Variants in GIPC1 observed in about 807,000 individuals in gnomAD.
GIPC1 encodes PDZ domain-containing protein GIPC1.
GIPC1 carries 15 observed loss-of-function variants against 28.5 expected under a neutral mutation model. The observed-to-expected ratio is 0.53, with a 90% CI of 0.35 to 0.81. The LOEUF is 0.81. GIPC1 is among the 30% of genes least tolerant of loss of function. GIPC1 has a pLI of 0.01. For missense variants in GIPC1, 439 were observed against 481.9 expected, an observed-to-expected ratio of 0.91 and a Z score of 0.83; for synonymous variants, 224 against 206.1, an observed-to-expected ratio of 1.09 and a Z score of -0.74.
chr19:14,492,262 CA>C lies in GIPC1; in HGVS notation c.-118-520del, dbSNP rs554026499. ...ATGTGCTTGGAACAGTCCTGGCACA[CA>C]ATAAGGGTTGCATAAATATTGGTGA... is the stretch of plus-strand genomic sequence containing the variant. On this transcript the variant is annotated intron_variant, in intron 2 of 8. Transcript: ENST00000393033. Among the ~76,000 whole-genome samples, 748 of 151,980 alleles carry C rather than the reference CA, an allele frequency of 4.9e-3. 4 individuals carry two copies. The highest frequency in any genetic ancestry group is 0.017 in the African/African-American group (706 of 41,470).
intron 3 of GIPC1, among the ~76,000 whole-genome samples, chr19:14,491,319 C>T (rs901560324): frequency 3.3e-5 from 5 of 151,764 alleles, no homozygotes; most frequent in Admixed American, 1.3e-4. Context: ...AGTGCAATGG[C>T]GCGATCTCGG....
At chr19:14,487,740 A>T (rs2071879089) in intron 3 of GIPC1, among the ~76,000 whole-genome samples, 1 of 142,494 alleles carries the variant, frequency 7.0e-6, no homozygotes, top group South Asian at 2.2e-4. Flanking sequence ...GCAGTGGTGC[A>T]ATCAGAGCTC....
chr19:14,491,432 T>C (rs1396451092), intron 3 of GIPC1, among the ~76,000 whole-genome samples: 1 of 152,044 alleles, frequency 6.6e-6, no homozygotes, highest in African/African-American at 2.4e-5. Flanking sequence ...CTAATTTTTG[T>C]ATTTTTAGTA....
At position 14,482,836 on chromosome 19, in the gene GIPC1, C is replaced by T. The variant is rs535847542; in HGVS notation, c.141G>A (p.Leu47=). The T allele has an allele frequency of 6.3e-7, 1 of 1,575,642 alleles. No individual in the cohort carries two copies. Among genetic ancestry groups the T allele is most frequent in the African/African-American group, 1.3e-5 (1 of 74,222 alleles). The change falls in exon 4 of 9, where the codon TTG becomes TTA. Residue 47 remains leucine, a synonymous_variant. Coordinates refer to ENST00000393033, the MANE Select transcript of GIPC1 (RefSeq NM_005716.4). The part of the protein sequence containing the change: ...GGGSGGPQMG[L]PPPPPALRPR... ...GCCGCAGGGCTGGGGGAGGGGGGGG[C>T]AAGCCCATTTGGGGGCCCCCCGACC... is the stretch of plus-strand genomic sequence containing the variant.
At chr19:14,490,131 C>G (rs929125035) in intron 3 of GIPC1, among the ~76,000 whole-genome samples, 1 of 151,520 alleles carries the variant, frequency 6.6e-6, no homozygotes, top group South Asian at 2.1e-4. Context: ...TTTGGGAGGC[C>G]GAGGCGGGCG....
chr19:14,493,641 T>C (rs181006834), intron 1 of GIPC1, among the ~76,000 whole-genome samples: 16 of 151,790 alleles, frequency 1.1e-4, no homozygotes, highest in African/African-American at 3.9e-4. Flanking sequence ...TATTTTTATT[T>C]TGTATTTGTT....
At chr19:14,486,712 C>CTTTTTTT (rs35491814) in intron 3 of GIPC1, among the ~76,000 whole-genome samples, 4 of 124,756 alleles carry the variant, frequency 3.2e-5, no homozygotes, top group Non-Finnish European at 6.5e-5. Flanking sequence ...TTCTTTCTTT[C>CTTTTTTT]TTTTTTTTTT....
intron 4 of GIPC1, chr19:14,482,434 C>T: frequency 1.7e-6 from 1 of 578,074 alleles, no homozygotes; most frequent in South Asian, 2.0e-5. Flanking sequence ...CACTGGGGCA[C>T]AGGTCTCCCA....
intron 3 of GIPC1, chr19:14,483,656 T>A (rs1372486608): frequency 6.7e-6 from 1 of 150,314 alleles, no homozygotes; most frequent in African/African-American, 2.5e-5. Flanking sequence ...GGGTGAGGCA[T>A]AAGAATTGCT....
chr19:14,485,523 C>T (rs1053796579), intron 3 of GIPC1, among the ~76,000 whole-genome samples: 2 of 151,252 alleles, frequency 1.3e-5, no homozygotes, highest in Non-Finnish European at 2.9e-5. Context: ...TGGTGGCAGA[C>T]GCCTGTAGTA....
intron 1 of GIPC1, among the ~76,000 whole-genome samples, chr19:14,494,344 G>A (rs2072034471): frequency 6.6e-6 from 1 of 151,088 alleles, no homozygotes; most frequent in Admixed American, 6.6e-5. Flanking sequence ...CACCCGCCTC[G>A]GCCTCCCAAA....
chr19:14,485,698 T>TAG (rs1486531236), intron 3 of GIPC1, among the ~76,000 whole-genome samples: 7 of 85,092 alleles, frequency 8.2e-5, no homozygotes, highest in African/African-American at 3.0e-4. Context: ...TATATATATA[T>TAG]ATATAGAGAG....
In GIPC1 at chr19:14,478,772, G is replaced by A. The variant is rs757269294; in HGVS notation, c.769-7C>T. 6.2e-7 allele frequency: 1 copy of A among 1,606,232 alleles called. No individual in the cohort carries two copies. Among genetic ancestry groups the A allele is most frequent in the Non-Finnish European group, 8.5e-7 (1 of 1,172,980 alleles). ...TCTCTTCAAAGGCAGAGGGCTGGGG[G>A]CCAGGGAGGGGTGACAGCGACATCA... is the stretch of plus-strand genomic sequence containing the variant. On this transcript the variant is annotated splice_polypyrimidine_tract_variant and splice_region_variant and intron_variant, in intron 7 of 8. Coordinates refer to ENST00000393033, the MANE Select transcript of GIPC1 (RefSeq NM_005716.4). The surrounding 1 kb of genome is among the most constrained non-coding windows in gnomAD (Gnocchi z 5.2).
At chr19:14,493,476 G>A (rs1453872996) in intron 1 of GIPC1, among the ~76,000 whole-genome samples, 2 of 147,678 alleles carry the variant, frequency 1.4e-5, no homozygotes, top group African/African-American at 5.0e-5. Context: ...TTTTTTTTTC[G>A]AGATGGAGTC....
rs548293254 is a variant in GIPC1, at chr19:14,494,959, G to A, written c.-175+1078C>T. Among the ~76,000 whole-genome samples the A allele has an allele frequency of 6.2e-4, 95 of 152,204 alleles. 4 individuals carry two copies. The South Asian group carries it at 0.02, about 32-fold the overall frequency. ...AGGAGGAGGGGAAGGGGGTTCCTGG[G>A]AGCACACAGAAGCTAGGGGAAGGGG... On this transcript the variant is annotated intron_variant, in intron 1 of 8. Transcript: ENST00000393033.
intron 3 of GIPC1, among the ~76,000 whole-genome samples, chr19:14,485,728 GAGAGAGAGAGAGAC>G (rs2071827046): frequency 1.4e-5 from 2 of 140,406 alleles, no homozygotes; most frequent in Admixed American, 7.3e-5. Context: ...GAGAGAGAGA[GAGAGAGAGAGAGAC>G]AGAGAGAGGG....
intron 3 of GIPC1, among the ~76,000 whole-genome samples, chr19:14,488,775 C>CA (rs931925798): frequency 0.031 from 2,589 of 82,332 alleles, 42 homozygotes; most frequent in East Asian, 0.1. Context: ...TCGGTCTAAA[C>CA]AAAAAAAAAA....
Position 14,478,875 on chromosome 19 carries a change from G to GA in GIPC1, c.769-111dup, listed in dbSNP as rs2071662449. 1.8e-5 allele frequency: 15 copies of GA among 843,164 alleles called. No individual in the cohort carries two copies. Among genetic ancestry groups the GA allele is most frequent in the Non-Finnish European group, 3.0e-5 (15 of 494,046 alleles). The allele number at this position is 843,164 out of a possible 1,614,324, so 52.2% of individuals were successfully genotyped here. A position where few individuals can be genotyped will look rare whatever the true frequency, so the allele number is the denominator to read the frequency against. On this transcript the variant is annotated intron_variant, in intron 7 of 8. Coordinates refer to ENST00000393033, the MANE Select transcript of GIPC1 (RefSeq NM_005716.4). This position sits in a 1 kb window ranked among gnomAD's most constrained non-coding sequence, Gnocchi z 5.2. ...ACATATATTCGTATTTAGACCTCAG[G>GA]ACAACCCTGAGAAGGTGGTATCGGT...
At chr19:14,481,160 T>C (rs1055669002) in intron 4 of GIPC1, among the ~76,000 whole-genome samples, 1 of 152,076 alleles carries the variant, frequency 6.6e-6, no homozygotes, top group Admixed American at 6.6e-5. Context: ...TGTGGAGATA[T>C]GGGGTCTCAC....
Sources: allele counts gnomAD v4.1 joint callset (sites outside exome capture counted in the v4.1 genomes callset), GRCh38; gene constraint gnomAD v4.1.1; non-coding constraint Gnocchi (gnomAD v3.1); transcripts MANE v1.5; gene names NCBI Gene and HGNC (gene_info 2026-07-23, HGNC 2026-07-21).